Variants in DDX20 observed in about 807,000 individuals in gnomAD.
DDX20 encodes probable ATP-dependent RNA helicase DDX20.
A neutral mutation model predicts 76.4 loss-of-function variants in DDX20; 61 were observed. The ratio of observed to expected loss-of-function variants is 0.80; its 90% confidence interval spans 0.65 to 0.99. DDX20 has a LOEUF of 0.99. DDX20 is among the 50% of genes least tolerant of loss of function. The probability of loss-of-function intolerance (pLI) is 0.00; values close to 1 mark genes in which losing one functional copy is unlikely to be tolerated. For synonymous variants in DDX20, 357 were observed against 357.4 expected, an observed-to-expected ratio of 1.00 and a Z score of 0.01; for missense variants, 976 against 996.8, an observed-to-expected ratio of 0.98 and a Z score of 0.28.
intron 2 of DDX20, 90 bp from the exon 3 acceptor site, chr1:111,759,310 A>G (rs1357410783): frequency 1.6e-5 from 15 of 954,704 alleles, no homozygotes; most frequent in Admixed American, 3.0e-5. Flanking sequence ...GATCATTTAA[A>G]TGAAATATAG....
At chr1:111,765,515 T>C (rs1354104289) in intron 10 of DDX20, among the ~76,000 whole-genome samples, 1 of 152,182 alleles carries the variant, frequency 6.6e-6, no homozygotes, top group Non-Finnish European at 1.5e-5. Context: ...GGGGAGATAG[T>C]GCTTGTGAGT....
In DDX20 at chr1:111,765,542, A is replaced by G. The variant is rs550497975; in HGVS notation, c.1313-195A>G. 3.3e-5 allele frequency among the ~76,000 whole-genome samples: 5 copies of G among 152,290 alleles called. No homozygotes were observed. In the South Asian group the frequency reaches 1.0e-3, roughly 32 times the overall value. ...CTTGTGAGTATGGGATGGGTCTTACATATTTCTTAGGCAGGTTTCTTTATT... is the reference window on the plus strand; with the variant it reads ...CTTGTGAGTATGGGATGGGTCTTACGTATTTCTTAGGCAGGTTTCTTTATT... On this transcript the variant is annotated intron_variant, in intron 10 of 10. Transcript: ENST00000369702.
At position 111,760,777 on chromosome 1, in the gene DDX20, C is replaced by T; in HGVS notation, c.752C>T (p.Ala251Val). 1 of 1,613,826 alleles carries T rather than the reference C, an allele frequency of 6.2e-7. No homozygotes were observed. Among genetic ancestry groups the T allele is most frequent in the Non-Finnish European group, 8.5e-7 (1 of 1,179,910 alleles). The change falls in exon 5 of 11, where the codon GCT becomes GTT. Residue 251 changes from alanine to valine, a missense_variant. By Grantham distance (64) the Ala-to-Val change is moderately conservative. Around this residue, in one of 3 missense-constraint regions of DDX20, gnomAD observed 630 missense variants for 693.7 expected, o/e 0.91. Transcript: ENST00000369702. ...TCAGCTACTTATCCCGAATTTTTGG[C>T]TAATGCTTTGACAAAGTACATGAGA... ...AVSATYPEFLANALTKYMRDP... is the reference protein window; with the variant it reads ...AVSATYPEFLVNALTKYMRDP...
At position 111,755,947 on chromosome 1, in the gene DDX20, C is replaced by T. The variant is rs755075907; in HGVS notation, c.23C>T (p.Ser8Leu). Residue 8 changes from serine (S) to leucine (L), a missense_variant, in exon 1 of 11, where the codon TCG becomes TTG. Physicochemically the swap from Ser to Leu is moderately radical, Grantham distance 145. Transcript: ENST00000369702. Reference sequence around the variant, plus strand: ...ACCATGGCGGCGGCATTTGAAGCCTCGGGAGCCTTAGCAGCAGTGGCGACT... The same window carrying T: ...ACCATGGCGGCGGCATTTGAAGCCTTGGGAGCCTTAGCAGCAGTGGCGACT... The part of the protein sequence containing the change: MAAAFEA[S>L]GALAAVATAM... 1.0e-4 allele frequency: 162 copies of T among 1,585,084 alleles called. 1 individual carries two copies. The South Asian group carries it at 1.7e-3, about 17-fold the overall frequency.
chr1:111,762,986 A>G lies in DDX20; in HGVS notation c.1291A>G (p.Ile431Val). ...GATGAGAATTGCCCAGAAATGTAAT[A>G]TCAACCTTCTCCCTTTACCAGGTAC... ...MMMRIAQKCN[I>V]NLLPLPDPIP... The change falls in exon 10 of 11, where the codon ATC (isoleucine) becomes GTC (valine). Residue 431 changes from isoleucine to valine, a missense_variant. Coordinates refer to ENST00000369702, the MANE Select transcript of DDX20 (RefSeq NM_007204.5). 1 of 1,613,302 alleles carries G rather than the reference A, an allele frequency of 6.2e-7. No homozygotes were observed. Among genetic ancestry groups the G allele is most frequent in the Non-Finnish European group, 8.5e-7 (1 of 1,179,248 alleles).
At position 111,766,130 on chromosome 1, in the gene DDX20, C is replaced by A. The variant is rs1663773642; in HGVS notation, c.1706C>A (p.Pro569His). The A allele has an allele frequency of 5.6e-6, 9 of 1,614,192 alleles. No homozygotes were observed. Among genetic ancestry groups the A allele is most frequent in the Non-Finnish European group, 7.6e-6 (9 of 1,180,032 alleles). The change falls in exon 11 of 11, where the codon CCT (proline) becomes CAT (histidine). Residue 569 changes from proline (P) to histidine (H), a missense_variant. Physicochemically the swap from Pro to His is moderately conservative, Grantham distance 77. This residue lies in a region of DDX20 where 630 missense variants were observed against 693.7 expected (regional missense o/e 0.91). Transcript: ENST00000369702. ...CAGCACCAGGTCAAAGAAGCTTTAC[C>A]TGTGTCACTCCCCCAGATTCCTTGT... ...NSQHQVKEAL[P>H]VSLPQIPCLS...
At position 111,756,058 on chromosome 1, in the gene DDX20, A is replaced by T. The variant is rs781147177; in HGVS notation, c.134A>T (p.Asp45Val). 3.1e-6 allele frequency: 5 copies of T among 1,608,940 alleles called. No individual in the cohort carries two copies. Among genetic ancestry groups the T allele is most frequent in the Non-Finnish European group, 4.2e-6 (5 of 1,179,370 alleles). Residue 45 changes from aspartate (D) to valine (V), a missense_variant, in exon 1 of 11, where the codon GAT becomes GTT. This residue lies in a region of DDX20 where 343 missense variants were observed against 286.4 expected (regional missense o/e 1.20). Transcript: ENST00000369702. ...GPVRILRTAQ[D>V]LSSPRTRTGD... ...GTGAGGATCCTGCGGACCGCTCAGG[A>T]TCTCAGCAGCCCGCGGACCCGCACG...
intron 2 of DDX20, among the ~76,000 whole-genome samples, chr1:111,758,651 T>C (rs896135463): frequency 2.0e-5 from 3 of 152,184 alleles, no homozygotes; most frequent in Non-Finnish European, 4.4e-5. Flanking sequence ...CCAGCTCTAC[T>C]CTATGCCATT....
rs528723061 is a variant in DDX20 at position 111,759,618 on chromosome 1, CTT to C, written c.565+53_565+54del. 2,129 of 1,480,172 alleles carry C rather than the reference CTT, an allele frequency of 1.4e-3. 4 individuals are homozygous for C. The highest frequency in any genetic ancestry group is 1.6e-3 in the South Asian group (135 of 82,818). The allele number at this position is 1,480,172 out of a possible 1,614,324, so 91.7% of individuals were successfully genotyped here. On this transcript the variant is annotated intron_variant, in intron 3 of 10. Transcript: ENST00000369702. ...ACCAGGGCTTTTAAGGAACTACACA[CTT>C]TTAATATAACAATAAAGATATATGG... is the stretch of plus-strand genomic sequence containing the variant.
Position 111,756,237 on chromosome 1 carries a change from G to C in DDX20, c.301+12G>C. ...GCGCTGCGGGCTCGGTGAGAGCGGG[G>C]GCCCGGGATAGGTCGGGGGGTGGGG... On this transcript the variant is annotated intron_variant, in intron 1 of 10. Coordinates refer to ENST00000369702, the MANE Select transcript of DDX20 (RefSeq NM_007204.5). 7.1e-7 allele frequency: 1 copy of C among 1,410,006 alleles called. No homozygotes were observed. Among genetic ancestry groups the C allele is most frequent in the Non-Finnish European group, 9.2e-7 (1 of 1,085,682 alleles). 87.3% of individuals were successfully genotyped at this position (1,410,006 alleles called of 1,614,324 possible).
At chr1:111,762,160 T>G in intron 7 of DDX20, 95 bp from the exon 8 acceptor site, 1 of 904,188 alleles carries the variant, frequency 1.1e-6, no homozygotes, top group Non-Finnish European at 1.7e-6. Context: ...TTAAAAGTGT[T>G]AAGACTGGGT....
rs142254105 is a variant in DDX20, at chr1:111,762,937, C to T, written c.1242C>T (p.Cys414=). 4 of 1,613,812 alleles carry T rather than the reference C, an allele frequency of 2.5e-6. No individual in the cohort carries two copies. In the South Asian group the frequency reaches 3.3e-5, roughly 13 times the overall value. Residue 414 remains cysteine, a synonymous_variant, in exon 10 of 11, where the codon TGC becomes TGT. Transcript: ENST00000369702. ...TGGGGCTGACAGTGACCTACTGTTGCCGGGGAGAGGAAGAAAATATGATGA... is the reference window on the plus strand; with the variant it reads ...TGGGGCTGACAGTGACCTACTGTTGTCGGGGAGAGGAAGAAAATATGATGA... ...GTLGLTVTYC[C]RGEEENMMMR...
At chr1:111,764,061 C>T (rs1021449628) in intron 10 of DDX20, among the ~76,000 whole-genome samples, 1 of 151,910 alleles carries the variant, frequency 6.6e-6, no homozygotes, top group African/African-American at 2.4e-5. Context: ...GGGCGGATGA[C>T]GAGGTCAGGA....
In DDX20 at chr1:111,766,982, G is replaced by A; in HGVS notation, c.*83G>A. On this transcript the variant is annotated 3_prime_UTR_variant, in exon 11 of 11. Transcript: ENST00000369702. The stretch of plus-strand genomic sequence containing the variant: ...CATCCTCCTCGACTTATAGTACAGT[G>A]GTGTATAGTGGCATTTCTGATAAAC... 1 of 1,040,684 alleles carries A rather than the reference G, an allele frequency of 9.6e-7. No individual in the cohort carries two copies. Among genetic ancestry groups the A allele is most frequent in the Admixed American group, 2.4e-5 (1 of 42,086 alleles). The allele number at this position is 1,040,684 out of a possible 1,614,324, so 64.5% of individuals were successfully genotyped here.
At position 111,759,541 on chromosome 1, in the gene DDX20, A is replaced by T. The variant is rs762805398; in HGVS notation, c.538A>T (p.Lys180Ter). The part of the protein sequence containing the change: ...PLSQDKTRLK[K>*]CHIAVGSPGR... The stretch of plus-strand genomic sequence containing the variant: ...ATCACAAGACAAAACCAGACTTAAA[A>T]AGTGTCATATTGCTGTTGGATCTCC... The change falls in exon 3 of 11, where the codon AAG becomes TAG. Residue 180 changes from lysine (K) to a stop codon, truncating the protein, a stop_gained. Coordinates refer to ENST00000369702, the MANE Select transcript of DDX20 (RefSeq NM_007204.5). LOFTEE classifies it high-confidence loss of function. The T allele has an allele frequency of 6.2e-7, 1 of 1,613,800 alleles. No individual in the cohort carries two copies. Among genetic ancestry groups the T allele is most frequent in the South Asian group, 1.1e-5 (1 of 90,960 alleles).
In DDX20 at chr1:111,761,283, A is replaced by C. The variant is rs767228360; in HGVS notation, c.1020A>C (p.Ser340=). ...AAGGCTTTCCTGCTGAGTGCATTTC[A>C]GGTAAGTTCATCTCTTACTTTAATC... ...SSKGFPAECI[S]GNMNQNQRLD... is the part of the protein sequence containing the mutation. The change falls in exon 7 of 11, where the codon TCA becomes TCC. Residue 340 remains serine (S), a splice_region_variant and synonymous_variant. Coordinates refer to ENST00000369702, the MANE Select transcript of DDX20 (RefSeq NM_007204.5). The C allele has an allele frequency of 2.7e-5, 43 of 1,612,084 alleles. No homozygotes were observed. The Admixed American group carries it at 5.3e-4, about 20-fold the overall frequency.
chr1:111,758,531 T>G (rs1663610878), intron 2 of DDX20, among the ~76,000 whole-genome samples: 1 of 152,116 alleles, frequency 6.6e-6, no homozygotes, highest in Non-Finnish European at 1.5e-5. Flanking sequence ...CTGAATTCTG[T>G]CATGTGGGCC....
rs757155844 is a variant in DDX20, at chr1:111,766,092, C to G, written c.1668C>G (p.Asn556Lys). 1.9e-6 allele frequency: 3 copies of G among 1,614,108 alleles called. No homozygotes were observed. In the South Asian group the frequency reaches 3.3e-5, roughly 18 times the overall value. Reference sequence around the variant, plus strand: ...ATTCTGTTCAGACTCCCGTTGAAAACTCCACCAACAGTCAGCACCAGGTCA... The same window carrying G: ...ATTCTGTTCAGACTCCCGTTGAAAAGTCCACCAACAGTCAGCACCAGGTCA... ...MKNSVQTPVE[N>K]STNSQHQVKE... The change falls in exon 11 of 11, where the codon AAC becomes AAG. Residue 556 changes from asparagine (N) to lysine (K), a missense_variant. Asn to Lys is a moderately conservative substitution (Grantham distance 94). Around this residue, in one of 3 missense-constraint regions of DDX20, gnomAD observed 630 missense variants for 693.7 expected, o/e 0.91. Coordinates refer to ENST00000369702, the MANE Select transcript of DDX20 (RefSeq NM_007204.5).
In DDX20 at chr1:111,765,758, T is replaced by A; in HGVS notation, c.1334T>A (p.Met445Lys). The A allele has an allele frequency of 6.2e-7, 1 of 1,601,728 alleles. No individual in the cohort carries two copies. The highest frequency in any genetic ancestry group is 8.5e-7 in the Non-Finnish European group (1 of 1,175,946). ...PLPDPIPSGL[M>K]EECVDWDVEV... is the part of the protein sequence containing the mutation. ...GTAGATCCCATTCCTTCTGGTCTGA[T>A]GGAAGAATGTGTGGATTGGGATGTG... The change falls in exon 11 of 11, where the codon ATG (methionine) becomes AAG (lysine). Residue 445 changes from methionine (M) to lysine (K), a missense_variant. By Grantham distance (95) the Met-to-Lys change is moderately conservative (BLOSUM62 -1). Transcript: ENST00000369702.
Sources: allele counts gnomAD v4.1 joint callset (sites outside exome capture counted in the v4.1 genomes callset), GRCh38; gene constraint gnomAD v4.1.1; regional missense constraint gnomAD v4.1.1; transcripts MANE v1.5; gene names NCBI Gene and HGNC (gene_info 2026-07-23, HGNC 2026-07-21).